Variants in PSMA8 observed in about 807,000 individuals in gnomAD.
PSMA8 encodes the protein proteasome 20S subunit alpha 8.
Under a neutral mutation model 32.4 loss-of-function variants are expected in PSMA8, and 18 were observed. The ratio of observed to expected loss-of-function variants is 0.56; its 90% CI spans 0.38 to 0.82. The LOEUF is 0.82. Among genes scored for constraint, PSMA8 ranks in the 40% least tolerant of loss-of-function variants. The pLI, the probability that PSMA8 is intolerant of heterozygous loss-of-function variation, is 0.00. For synonymous variants in PSMA8, 104 were observed against 98.1 expected (o/e 1.06, Z -0.36); for missense variants, 298 against 300.7 (o/e 0.99, Z 0.07).
intron 1 of PSMA8, among the ~76,000 whole-genome samples, chr18:26,140,284 G>C (rs916798960): frequency 6.6e-6 from 1 of 152,208 alleles, no homozygotes; most frequent in Admixed American, 6.5e-5. Context: ...GCTCACTGGG[G>C]TGGGCCTGGA....
intron 6 of PSMA8, among the ~76,000 whole-genome samples, chr18:26,184,731 G>A (rs78672939): frequency 0.17 from 23,839 of 142,126 alleles, 3,790 homozygotes; most frequent in African/African-American, 0.37. Context: ...TCGAGATAGC[G>A]CCACTGCACT....
rs2054888614 is a variant in PSMA8 at position 26,134,080 on chromosome 18, C to A, written c.102+13C>A. 9 of 1,593,426 alleles carry A rather than the reference C, an allele frequency of 5.6e-6. No homozygotes were observed. In the African/African-American group the frequency reaches 6.7e-5, roughly 12 times the overall value. ...AGGATCCACCGCGGTGAGGAAGCAA[C>A]TATTACCGGACTATTCCCCGCTCTG... is the stretch of plus-strand genomic sequence containing the variant. On this transcript the variant is annotated intron_variant, in intron 1 of 6. Coordinates refer to ENST00000415576, the MANE Select transcript of PSMA8 (RefSeq NM_001025096.2).
chr18:26,169,480 A>AT lies in PSMA8; in HGVS notation c.478-9343dup, dbSNP rs2055204821. 2.3e-5 allele frequency among the ~76,000 whole-genome samples: 3 copies of AT among 130,844 alleles called. 1 individual carries two copies. The highest frequency in any genetic ancestry group is 4.5e-5 in the Non-Finnish European group (3 of 67,098). 85.8% of individuals were successfully genotyped at this position (130,844 alleles called of 152,430 possible). The stretch of plus-strand genomic sequence containing the variant: ...TTATAATTGGTTTTCCTGCTTCTGT[A>AT]TTTTTTTAAATTGTAAAATACTTCA... On this transcript the variant is annotated intron_variant, in intron 4 of 6. Coordinates refer to ENST00000415576, the MANE Select transcript of PSMA8 (RefSeq NM_001025096.2).
intron 6 of PSMA8, among the ~76,000 whole-genome samples, chr18:26,184,773 C>CA (rs1278227957): frequency 0.011 from 864 of 76,910 alleles, 15 homozygotes; most frequent in South Asian, 0.05. Flanking sequence ...GACTCTGTCT[C>CA]AAAAAAAAAA....
chr18:26,180,695 G>GACAC (rs45627236), intron 6 of PSMA8, among the ~76,000 whole-genome samples: 9,590 of 143,364 alleles, frequency 0.067, 419 homozygotes, highest in Admixed American at 0.14. Context: ...TATAAAAATA[G>GACAC]ACACACACAC....
At chr18:26,183,563 A>T (rs2144353419) in intron 6 of PSMA8, among the ~76,000 whole-genome samples, 1 of 150,926 alleles carries the variant, frequency 6.6e-6, no homozygotes, top group African/African-American at 2.4e-5. Flanking sequence ...GAGCCTGAAT[A>T]TGCAACTGAA....
At position 26,139,350 on chromosome 18, in the gene PSMA8, C is replaced by G. The variant is rs986904818; in HGVS notation, c.103-5209C>G. Among the ~76,000 whole-genome samples the G allele has an allele frequency of 2.6e-5, 4 of 152,118 alleles. No individual in the cohort carries two copies. In the East Asian group the frequency reaches 7.7e-4, roughly 29 times the overall value. ...CAGGGGAACTGAATCTTGCCAACAACAATGCGAGTGAGCTTGGAAATGGAT... is the reference window on the plus strand; with the variant it reads ...CAGGGGAACTGAATCTTGCCAACAAGAATGCGAGTGAGCTTGGAAATGGAT... On this transcript the variant is annotated intron_variant, in intron 1 of 6. Coordinates refer to ENST00000415576, the MANE Select transcript of PSMA8 (RefSeq NM_001025096.2).
At chr18:26,187,731 A>G (rs1453072146) in intron 6 of PSMA8, among the ~76,000 whole-genome samples, 1 of 152,226 alleles carries the variant, frequency 6.6e-6, no homozygotes, top group Non-Finnish European at 1.5e-5. Flanking sequence ...GCAAGAAGAT[A>G]TAACAGTCTT....
chr18:26,146,196 GTTT>G (rs1156982084), intron 2 of PSMA8, among the ~76,000 whole-genome samples: 8 of 138,974 alleles, frequency 5.8e-5, no homozygotes, highest in African/African-American at 2.1e-4. Context: ...TTCTGATTGG[GTTT>G]TTTTTTTTTA....
chr18:26,181,014 G>A (rs898618299), intron 6 of PSMA8, among the ~76,000 whole-genome samples: 6 of 152,216 alleles, frequency 3.9e-5, no homozygotes, highest in Non-Finnish European at 5.9e-5. Flanking sequence ...AATGGTGTGA[G>A]ATGGTAGTAT....
rs568478105 is a variant in PSMA8, at chr18:26,133,900, C to T, written c.-66C>T. The T allele has an allele frequency of 3.0e-5, 41 of 1,380,780 alleles. No homozygotes were observed. Among genetic ancestry groups the T allele is most frequent in the Middle Eastern group, 3.9e-4 (2 of 5,176 alleles). The allele number at this position is 1,380,780 out of a possible 1,614,324, so 85.5% of individuals were successfully genotyped here. A position where few individuals can be genotyped will look rare whatever the true frequency, so the allele number is the denominator to read the frequency against. On this transcript the variant is annotated 5_prime_UTR_variant, in exon 1 of 7. Coordinates refer to ENST00000415576, the MANE Select transcript of PSMA8 (RefSeq NM_001025096.2). ...GGGCGGTAGCACGCTGTGTTGGCGG[C>T]GGCTCCCCGCTTGCCTCAGCTGCAG...
chr18:26,189,966 A>C (rs75651674), intron 6 of PSMA8, among the ~76,000 whole-genome samples: 2,164 of 152,274 alleles, frequency 0.014, 41 homozygotes, highest in African/African-American at 0.041. Flanking sequence ...TTCTGCCCCC[A>C]AAAAAATAAT....
intron 6 of PSMA8, among the ~76,000 whole-genome samples, chr18:26,191,447 G>T (rs2055401663): frequency 6.6e-6 from 1 of 151,920 alleles, no homozygotes; most frequent in Non-Finnish European, 1.5e-5. Context: ...TGGCCAACAT[G>T]GCAAAACCCT....
At chr18:26,182,309 C>G (rs894123678) in intron 6 of PSMA8, among the ~76,000 whole-genome samples, 1 of 152,224 alleles carries the variant, frequency 6.6e-6, no homozygotes, top group Non-Finnish European at 1.5e-5. Context: ...AAGATACCAT[C>G]TAAAATTTTC....
intron 6 of PSMA8, among the ~76,000 whole-genome samples, chr18:26,190,112 A>G (rs1411368400): frequency 6.6e-6 from 1 of 152,146 alleles, no homozygotes; most frequent in African/African-American, 2.4e-5. Flanking sequence ...ACTCATGGAG[A>G]TACAGAGTAG....
At chr18:26,165,559 T>C (rs1257754219) in intron 4 of PSMA8, among the ~76,000 whole-genome samples, 1 of 151,424 alleles carries the variant, frequency 6.6e-6, no homozygotes, top group Non-Finnish European at 1.5e-5. Context: ...GAATATAGGT[T>C]CAAGGGAATT....
chr18:26,170,686 G>T lies in PSMA8; in HGVS notation c.478-8144G>T, dbSNP rs552676832. On this transcript the variant is annotated intron_variant, in intron 4 of 6. Transcript: ENST00000415576. The stretch of plus-strand genomic sequence containing the variant: ...GTAAAAATACATACTTTTTTCAGAG[G>T]GAGGGGGAACAACTTAAACTAGAAA... The T allele has an allele frequency of 1.4e-4, 187 of 1,333,686 alleles. 41 individuals are homozygous for T. In the East Asian group the frequency reaches 4.7e-3, roughly 34 times the overall value. 82.6% of individuals were successfully genotyped at this position (1,333,686 alleles called of 1,614,324 possible).
intron 6 of PSMA8, among the ~76,000 whole-genome samples, chr18:26,184,071 A>G (rs2055333864): frequency 6.6e-6 from 1 of 150,886 alleles, no homozygotes; most frequent in South Asian, 2.1e-4. Context: ...CACTCAATAG[A>G]CTACAGTATA....
In PSMA8 at chr18:26,193,007, A is replaced by C. The variant is rs1189349141; in HGVS notation, c.*596A>C. 1 of 152,226 alleles carries C rather than the reference A, an allele frequency of 6.6e-6. No homozygotes were observed. Among genetic ancestry groups the C allele is most frequent in the African/African-American group, 2.4e-5 (1 of 41,472 alleles). 9.4% of individuals were successfully genotyped at this position (152,226 alleles called of 1,614,324 possible). ...AATATATTGTTTCGTTCATGGAACA[A>C]ATATAGGCTGAATTCAAACATGCAA... On this transcript the variant is annotated 3_prime_UTR_variant, in exon 7 of 7. Coordinates refer to ENST00000415576, the MANE Select transcript of PSMA8 (RefSeq NM_001025096.2).
Sources: allele counts gnomAD v4.1 joint callset (sites outside exome capture counted in the v4.1 genomes callset), GRCh38; gene constraint gnomAD v4.1.1; transcripts MANE v1.5; gene names NCBI Gene and HGNC (gene_info 2026-07-23, HGNC 2026-07-21).